KIR2DL4: variants seen among roughly 807,000 people sequenced by gnomAD.
KIR2DL4 encodes the protein killer cell immunoglobulin like receptor, two Ig domains and long cytoplasmic tail 4, also known as killer cell immunoglobulin-like receptor 2DL4.
A neutral mutation model predicts 31.0 loss-of-function variants in KIR2DL4; 41 were observed. That is an observed-to-expected ratio of 1.32 (90% CI 1.03 to 1.72). The LOEUF is 1.72. KIR2DL4 is among the 40% of genes most tolerant of loss of function. The probability of loss-of-function intolerance (pLI) is 0.00; values close to 1 mark genes in which losing one functional copy is unlikely to be tolerated. For synonymous variants in KIR2DL4, 164 were observed against 133.6 expected, an observed-to-expected ratio of 1.23 and a Z score of -1.57; for missense variants, 438 against 353.7, an observed-to-expected ratio of 1.24 and a Z score of -1.91.
chr19:54,814,361 C>A (rs34785252), exon 8 of KIR2DL4: 95,473 of 520,958 alleles, frequency 0.18, 11,134 homozygotes, highest in East Asian at 0.45. Context: ...GAGGCTCTCT[C>A]TTAACACGGC....
In KIR2DL4 at chr19:54,804,877, G is replaced by C. The variant is rs370135620; in HGVS notation, c.161G>C (p.Arg54Pro). The C allele has an allele frequency of 4.3e-6, 7 of 1,612,242 alleles. No homozygotes were observed. In the East Asian group the frequency reaches 6.7e-5, roughly 15 times the overall value. The change falls in exon 3 of 8, where the codon CGT becomes CCT. Residue 54 changes from arginine (R) to proline (P), a missense_variant. By Grantham distance (103) the Arg-to-Pro change is moderately radical. Coordinates refer to ENST00000359085, the Ensembl canonical transcript of KIR2DL4. Reference sequence around the variant, plus strand: ...CACGTGACTCTTCGGTGTCACTATCGTCGTGGGTTTAACATCTTCACGCTG... The same window carrying C: ...CACGTGACTCTTCGGTGTCACTATCCTCGTGGGTTTAACATCTTCACGCTG...
chr19:54,811,290 C>T (rs1377816675), intron 5 of KIR2DL4, among the ~76,000 whole-genome samples: 5 of 150,810 alleles, frequency 3.3e-5, no homozygotes, highest in Non-Finnish European at 5.9e-5. Context: ...ACCAGCTATT[C>T]GGGAAGTTGA....
chr19:54,805,781 C>T (rs1260493952), intron 3 of KIR2DL4, among the ~76,000 whole-genome samples, 170 bp from the exon 4 acceptor site: 1 of 150,988 alleles, frequency 6.6e-6, no homozygotes, highest in African/African-American at 2.5e-5. Context: ...ATGCCACCAC[C>T]AGGCTGGAAC....
Position 54,810,870 on chromosome 19 carries a change from C to T in KIR2DL4, c.706+1987C>T, listed in dbSNP as rs1403483582. 4.0e-5 allele frequency among the ~76,000 whole-genome samples: 6 copies of T among 150,654 alleles called. 1 individual carries two copies. Among genetic ancestry groups the T allele is most frequent in the Admixed American group, 4.0e-4 (6 of 15,150 alleles). On this transcript the variant is annotated intron_variant, in intron 5 of 7. Coordinates refer to ENST00000359085, the Ensembl canonical transcript of KIR2DL4. ...CTGTGGAAAAGGCAATTCCCGCCCCCCTGGTGAAATGTGGTGCTGATTTAG... is the reference window on the plus strand; with the variant it reads ...CTGTGGAAAAGGCAATTCCCGCCCCTCTGGTGAAATGTGGTGCTGATTTAG...
At chr19:54,807,967 C>T (rs2060625662) in intron 4 of KIR2DL4, among the ~76,000 whole-genome samples, 1 of 151,206 alleles carries the variant, frequency 6.6e-6, no homozygotes, top group African/African-American at 2.4e-5. Context: ...TTCATATATG[C>T]AATGTATATA....
At chr19:54,804,111 C>T (rs56136619) in intron 2 of KIR2DL4, among the ~76,000 whole-genome samples, 185 bp downstream of exon 2, 66 of 150,864 alleles carry the variant, frequency 4.4e-4, no homozygotes, top group Admixed American at 8.6e-4. Context: ...AAGAGGAGAT[C>T]CTGGGAGTCT....
chr19:54,813,070 C>A, intron 5 of KIR2DL4: 2 of 1,297,500 alleles, frequency 1.5e-6, no homozygotes, highest in Non-Finnish European at 1.1e-6. Flanking sequence ...GAGAGACAAT[C>A]CACAAAGAGG....
exon 3 of KIR2DL4, chr19:54,804,882 G>A (rs2060409106): frequency 6.2e-7 from 1 of 1,612,232 alleles, no homozygotes; most frequent in Non-Finnish European, 8.5e-7. Flanking sequence ...CTATCGTCGT[G>A]GGTTTAACAT....
chr19:54,803,894 TC>T lies in KIR2DL4; in HGVS notation c.45del (p.Phe16SerfsTer32). ...TCATCATGATCTTTCTTTGCAGGGT[TC>T]TTCTTGGACCAGAGTGTGTGGGCAC... On this transcript the variant is annotated frameshift_variant, in exon 2 of 8. Coordinates refer to ENST00000359085, the Ensembl canonical transcript of KIR2DL4. LOFTEE classifies it high-confidence loss of function. 1 of 1,610,144 alleles carries T rather than the reference TC, an allele frequency of 6.2e-7. No individual in the cohort carries two copies. Among genetic ancestry groups the T allele is most frequent in the Non-Finnish European group, 8.5e-7 (1 of 1,178,834 alleles).
intron 4 of KIR2DL4, among the ~76,000 whole-genome samples, chr19:54,807,462 C>T (rs77055523): frequency 2.6e-5 from 4 of 151,194 alleles, no homozygotes; most frequent in East Asian, 3.9e-4. Flanking sequence ...TTTGACATAG[C>T]GTTTCACTCT....
At chr19:54,804,623 T>C (rs2060383829) in intron 2 of KIR2DL4, among the ~76,000 whole-genome samples, 170 bp from the exon 3 acceptor site, 1 of 151,232 alleles carries the variant, frequency 6.6e-6, no homozygotes, top group Non-Finnish European at 1.5e-5. Flanking sequence ...ACTGACACTT[T>C]TGTTGTAGGG....
rs953755504 is a variant in KIR2DL4, at chr19:54,806,860, A to G, written c.655+616A>G. Among the ~76,000 whole-genome samples the G allele has an allele frequency of 2.6e-4, 39 of 150,144 alleles. 2 individuals carry two copies. The highest frequency in any genetic ancestry group is 9.7e-4 in the African/African-American group (39 of 40,410). ...AATCTTTACTAAAAAGACAAAAAAA[A>G]TAAAATTAGCCAGGCATGGTGCCAG... On this transcript the variant is annotated intron_variant, in intron 4 of 7. Transcript: ENST00000359085.
exon 4 of KIR2DL4, chr19:54,806,221 A>G: frequency 6.2e-7 from 1 of 1,610,278 alleles, no homozygotes; most frequent in Admixed American, 1.7e-5. Context: ...GACCCGAGTG[A>G]CCCACTGCCT....
intron 5 of KIR2DL4, among the ~76,000 whole-genome samples, chr19:54,811,580 G>A (rs2060872052): frequency 6.6e-6 from 1 of 150,988 alleles, no homozygotes; most frequent in Admixed American, 6.6e-5. Context: ...GAGATCATAT[G>A]GAAAATGTGA....
chr19:54,810,718 A>T (rs1163630329), intron 5 of KIR2DL4, among the ~76,000 whole-genome samples: 1 of 151,242 alleles, frequency 6.6e-6, no homozygotes, highest in Non-Finnish European at 1.5e-5. Context: ...AAGGAGCAAC[A>T]AGGAGCGTGT....
intron 1 of KIR2DL4, 44 bp downstream of exon 1, chr19:54,803,735 CT>C: frequency 6.3e-7 from 1 of 1,598,018 alleles, no homozygotes. Context: ...CACTATGGGC[CT>C]GCAGATTGGG....
At chr19:54,813,342 C>CCA (rs1198184627) in intron 6 of KIR2DL4, 15 of 1,514,626 alleles carry the variant, frequency 9.9e-6, no homozygotes, top group Admixed American at 2.3e-5. Flanking sequence ...AAGGCAGGAG[C>CCA]CAGAGGCAGA....
chr19:54,813,544 C>A, intron 6 of KIR2DL4, 146 bp from the exon 6 acceptor site: 2 of 858,474 alleles, frequency 2.3e-6, no homozygotes, highest in Non-Finnish European at 1.9e-6. Context: ...GTCTTGCACT[C>A]AGAGAGATGG....
At chr19:54,806,099 A>G (rs1048721503) in exon 4 of KIR2DL4, 1 of 1,612,030 alleles carries the variant, frequency 6.2e-7, no homozygotes, top group African/African-American at 1.3e-5. Flanking sequence ...GGCTCCCTGC[A>G]GTGCCCAGCA....
Sources: gnomAD v4.1 joint callset for allele counts (sites outside exome capture counted in the v4.1 genomes callset) on GRCh38, gnomAD v4.1.1 for gene constraint, MANE v1.5 for transcripts, NCBI Gene and HGNC (gene_info 2026-07-23, HGNC 2026-07-21) for gene names.